The following OR10H5 variants were observed in gnomAD, a reference collection of about 807,000 sequenced individuals.
The protein encoded by OR10H5 is olfactory receptor 10H5.
OR10H5 carries 7 observed loss-of-function variants against 12.2 expected under a neutral mutation model. The ratio of observed to expected loss-of-function variants is 0.57; its 90% CI spans 0.33 to 1.07. The LOEUF is 1.07. Among genes scored for constraint, OR10H5 ranks in the 50% least tolerant of loss-of-function variants. OR10H5 has a pLI of 0.04. For synonymous variants in OR10H5, 159 were observed against 175.1 expected, an observed-to-expected ratio of 0.91 and a Z score of 0.73; for missense variants, 346 against 411.6, an observed-to-expected ratio of 0.84 and a Z score of 1.38.
chr19:15,794,881 C>A lies in OR10H5; in HGVS notation c.833C>A (p.Thr278Asn), dbSNP rs767388596. 6.2e-6 allele frequency: 10 copies of A among 1,614,156 alleles called. No individual in the cohort carries two copies. Among genetic ancestry groups the A allele is most frequent in the Non-Finnish European group, 8.5e-6 (10 of 1,180,030 alleles). ...GAAGGAGACACCTTGATGGGCATCA[C>A]CTACACGGTCCTCACACCCTTCCTC... is the stretch of plus-strand genomic sequence containing the variant. ...SPEGDTLMGI[T>N]YTVLTPFLSP... Residue 278 changes from threonine to asparagine, a missense_variant, in exon 2 of 2, where the codon ACC (threonine) becomes AAC (asparagine). Physicochemically the swap from Thr to Asn is moderately conservative, Grantham distance 65 (BLOSUM62 0). Transcript: ENST00000642092.
In OR10H5 at chr19:15,795,113, T is replaced by A; in HGVS notation, c.*117T>A. ...TCCCTCCCTCCCTTCCTTCCTTCTTTCCTTCCTCCCTCCCTCCTTTCCTCC... is the reference window on the plus strand; with the variant it reads ...TCCCTCCCTCCCTTCCTTCCTTCTTACCTTCCTCCCTCCCTCCTTTCCTCC... On this transcript the variant is annotated 3_prime_UTR_variant, in exon 2 of 2. Transcript: ENST00000642092. 1.2e-6 allele frequency: 1 copy of A among 862,476 alleles called. No homozygotes were observed. Among genetic ancestry groups the A allele is most frequent in the Non-Finnish European group, 1.7e-6 (1 of 581,206 alleles). The allele number at this position is 862,476 out of a possible 1,614,324, so 53.4% of individuals were successfully genotyped here.
At position 15,794,601 on chromosome 19, in the gene OR10H5, T is replaced by C. The variant is rs760094638; in HGVS notation, c.553T>C (p.Leu185=). Residue 185 remains leucine (L), a synonymous_variant, in exon 2 of 2, where the codon TTG becomes CTG. Transcript: ENST00000642092. ...HHFFCHVPPL[L]KLACGDDVLV... Reference sequence around the variant, plus strand: ...TTTCTTCTGCCACGTGCCACCTCTGTTGAAGTTGGCCTGTGGAGATGATGT... The same window carrying C: ...TTTCTTCTGCCACGTGCCACCTCTGCTGAAGTTGGCCTGTGGAGATGATGT... 2.5e-6 allele frequency: 4 copies of C among 1,614,194 alleles called. No individual in the cohort carries two copies. Among genetic ancestry groups the C allele is most frequent in the Non-Finnish European group, 3.4e-6 (4 of 1,180,026 alleles).
intron 1 of OR10H5, among the ~76,000 whole-genome samples, chr19:15,788,876 G>T (rs1056394990): frequency 2.6e-5 from 4 of 152,086 alleles, no homozygotes; most frequent in Admixed American, 6.6e-5. Flanking sequence ...TTTTATTTTA[G>T]TTTAGTTTAG....
intron 1 of OR10H5, among the ~76,000 whole-genome samples, chr19:15,788,473 T>C (rs769449966): frequency 9.2e-5 from 14 of 152,164 alleles, no homozygotes; most frequent in South Asian, 2.1e-4. Context: ...GTAAACAACC[T>C]AATTCAGAAT....
Position 15,799,254 on chromosome 19 carries a change from G to A in OR10H5, c.*4258G>A, listed in dbSNP as rs1007135808. 3 of 152,104 alleles carry A rather than the reference G, an allele frequency of 2.0e-5. No homozygotes were observed. The highest frequency in any genetic ancestry group is 7.2e-5 in the African/African-American group (3 of 41,430). The allele number at this position is 152,104 out of a possible 1,614,324, so 9.4% of individuals were successfully genotyped here. ...CCCGGCAGTAAACCAAGCACACCCG[G>A]ACCCCAGGAACCTTGCATCTACTCT... On this transcript the variant is annotated 3_prime_UTR_variant, in exon 2 of 2. Transcript: ENST00000642092.
rs1026438506 is a variant in OR10H5, at chr19:15,797,154, T to C, written c.*2158T>C. The C allele has an allele frequency of 9.9e-5, 15 of 151,696 alleles. No individual in the cohort carries two copies. Among genetic ancestry groups the C allele is most frequent in the African/African-American group, 3.1e-4 (13 of 41,320 alleles). The allele number at this position is 151,696 out of a possible 1,614,324, so 9.4% of individuals were successfully genotyped here. A position where few individuals can be genotyped will look rare whatever the true frequency, so the allele number is the denominator to read the frequency against. On this transcript the variant is annotated 3_prime_UTR_variant, in exon 2 of 2. Transcript: ENST00000642092. ...AAACAATAAAAAAAAGAAGAAGAAG[T>C]TCTAGGGCACTTAACTACTAATATC...
At chr19:15,788,979 T>C (rs1371850992) in intron 1 of OR10H5, among the ~76,000 whole-genome samples, 1 of 152,162 alleles carries the variant, frequency 6.6e-6, no homozygotes, top group Non-Finnish European at 1.5e-5. Flanking sequence ...ACCTATCACC[T>C]AGGTATTAAG....
At chr19:15,788,142 T>G (rs1035765104) in intron 1 of OR10H5, among the ~76,000 whole-genome samples, 1 of 152,154 alleles carries the variant, frequency 6.6e-6, no homozygotes, top group African/African-American at 2.4e-5. Flanking sequence ...TCACTGTGTG[T>G]GTGTGTGTGC....
At chr19:15,793,821 G>A (rs1161201153) in intron 1 of OR10H5, 9 of 502,978 alleles carry the variant, frequency 1.8e-5, no homozygotes, top group Non-Finnish European at 3.2e-5. Context: ...AGAGGTTGCA[G>A]TGAGCTGAGA....
rs910994068 is a variant in OR10H5 at position 15,797,769 on chromosome 19, C to T, written c.*2773C>T. 4 of 151,640 alleles carry T rather than the reference C, an allele frequency of 2.6e-5. No homozygotes were observed. The highest frequency in any genetic ancestry group is 4.9e-5 in the African/African-American group (2 of 41,234). The allele number at this position is 151,640 out of a possible 1,614,324, so 9.4% of individuals were successfully genotyped here. On this transcript the variant is annotated 3_prime_UTR_variant, in exon 2 of 2. Transcript: ENST00000642092. ...GGTTTTTTAAAATATTGCATTAGGC[C>T]GGGTGTGGTGGCTCACTCCTGTAAT...
rs1391744852 is a variant in OR10H5, at chr19:15,794,044, C to T, written c.-5C>T. 13 of 1,607,118 alleles carry T rather than the reference C, an allele frequency of 8.1e-6. No individual in the cohort carries two copies. Among genetic ancestry groups the T allele is most frequent in the African/African-American group, 1.3e-5 (1 of 74,846 alleles). ...TCCTCTCTCCACCAACTAGGGGTGGCCGCCATGCAGGGGCTAAACCACACC... is the reference window on the plus strand; with the variant it reads ...TCCTCTCTCCACCAACTAGGGGTGGTCGCCATGCAGGGGCTAAACCACACC... On this transcript the variant is annotated 5_prime_UTR_variant, in exon 2 of 2. Transcript: ENST00000642092.
chr19:15,792,533 T>G (rs1056775203), intron 1 of OR10H5, among the ~76,000 whole-genome samples: 10 of 152,296 alleles, frequency 6.6e-5, no homozygotes, highest in African/African-American at 2.4e-4. Context: ...TGGCGTGATC[T>G]CAGGTCACTG....
rs997580892 is a variant in OR10H5 at position 15,797,120 on chromosome 19, G to C, written c.*2124G>C. ...AGCCTGGGTGACAGAGCGAGACTCT[G>C]TCTCAAAAAAACAATAAAAAAAAGA... On this transcript the variant is annotated 3_prime_UTR_variant, in exon 2 of 2. Transcript: ENST00000642092. 2.0e-5 allele frequency: 3 copies of C among 152,118 alleles called. No homozygotes were observed. The highest frequency in any genetic ancestry group is 4.4e-5 in the Non-Finnish European group (3 of 67,998). The allele number at this position is 152,118 out of a possible 1,614,324, so 9.4% of individuals were successfully genotyped here.
chr19:15,788,319 T>A (rs1044983388), intron 1 of OR10H5, among the ~76,000 whole-genome samples: 4 of 152,148 alleles, frequency 2.6e-5, no homozygotes, highest in Admixed American at 6.5e-5. Context: ...AGGGAGAAGA[T>A]GCCTTGCCTC....
rs1316238724 is a variant in OR10H5 at position 15,797,230 on chromosome 19, T to C, written c.*2234T>C. On this transcript the variant is annotated 3_prime_UTR_variant, in exon 2 of 2. Coordinates refer to ENST00000642092, the MANE Select transcript of OR10H5 (RefSeq NM_001004466.2). ...ATAAAATGTAAAGGGATCCCAAATG[T>C]TAAACTTCCACCCCCATCACCTCGA... 1 of 152,202 alleles carries C rather than the reference T, an allele frequency of 6.6e-6. No homozygotes were observed. Among genetic ancestry groups the C allele is most frequent in the Non-Finnish European group, 1.5e-5 (1 of 68,042 alleles). The allele number at this position is 152,202 out of a possible 1,614,324, so 9.4% of individuals were successfully genotyped here.
At position 15,794,796 on chromosome 19, in the gene OR10H5, G is replaced by C. The variant is rs540356218; in HGVS notation, c.748G>C (p.Val250Leu). Residue 250 changes from valine (V) to leucine (L), a missense_variant, in exon 2 of 2, where the codon GTC (valine) becomes CTC (leucine). Transcript: ENST00000642092. ...STCASHLTVV[V>L]VHYGFASVIY... ...CTGTGCCTCTCACCTCACTGTGGTG[G>C]TCGTGCACTATGGCTTTGCCTCCGT... is the stretch of plus-strand genomic sequence containing the variant. 1 of 1,614,114 alleles carries C rather than the reference G, an allele frequency of 6.2e-7. No individual in the cohort carries two copies. Among genetic ancestry groups the C allele is most frequent in the South Asian group, 1.1e-5 (1 of 91,072 alleles).
chr19:15,787,886 T>C (rs1484079143), intron 1 of OR10H5, among the ~76,000 whole-genome samples, 170 bp downstream of exon 1: 2 of 152,148 alleles, frequency 1.3e-5, no homozygotes, highest in Non-Finnish European at 2.9e-5. Flanking sequence ...AGGGGTTCTA[T>C]AGCCTCAGCC....
intron 1 of OR10H5, among the ~76,000 whole-genome samples, chr19:15,793,506 C>A (rs2088818538): frequency 6.6e-6 from 1 of 151,938 alleles, no homozygotes; most frequent in South Asian, 2.1e-4. Flanking sequence ...TCAGGTGACC[C>A]CCCTCTGCCT....
chr19:15,791,703 T>A (rs1379400341), intron 1 of OR10H5, among the ~76,000 whole-genome samples: 1 of 151,890 alleles, frequency 6.6e-6, no homozygotes, highest in Admixed American at 6.6e-5. Context: ...TTATTTTTTT[T>A]TTTTTTTGAG....
Sources: gnomAD v4.1 joint callset for allele counts (sites outside exome capture counted in the v4.1 genomes callset) on GRCh38, gnomAD v4.1.1 for gene constraint, MANE v1.5 for transcripts, NCBI Gene and HGNC (gene_info 2026-07-23, HGNC 2026-07-21) for gene names.